The following DGKB variants were observed in gnomAD, a reference collection of about 807,000 sequenced individuals.
DGKB encodes the protein 90 kDa diacylglycerol kinase.
In DGKB, 67 loss-of-function variants were observed where a neutral mutation model predicts 114.3. The observed-to-expected ratio is 0.59, with a 90% CI of 0.48 to 0.72. DGKB has a LOEUF of 0.72. DGKB is among the 30% of genes least tolerant of loss of function. The pLI, the probability that DGKB is intolerant of heterozygous loss-of-function variation, is 0.00. For synonymous variants in DGKB, 398 were observed against 323.1 expected, an observed-to-expected ratio of 1.23 and a Z score of -2.49; for missense variants, 907 against 975.2, an observed-to-expected ratio of 0.93 and a Z score of 0.93.
intron 1 of DGKB, among the ~76,000 whole-genome samples, chr7:14,942,178 C>G (rs1260754089): frequency 1.3e-5 from 2 of 151,736 alleles, no homozygotes; most frequent in Non-Finnish European, 2.9e-5. Flanking sequence ...CTTCCTCATT[C>G]CGGATCCTGA....
chr7:14,897,906 C>T lies in DGKB; in HGVS notation c.-188+4686G>A, dbSNP rs1363395493. On this transcript the variant is annotated intron_variant, in intron 1 of 25. Coordinates refer to ENST00000402815, the MANE Select transcript of DGKB (RefSeq NM_001350709.2). ...GCGGATAGAATTAGAGCCTGTAATACAGTTCATTAAAAGAAGTGTTTATTA... is the reference window on the plus strand; with the variant it reads ...GCGGATAGAATTAGAGCCTGTAATATAGTTCATTAAAAGAAGTGTTTATTA... Among the ~76,000 whole-genome samples the T allele has an allele frequency of 3.9e-5, 6 of 151,910 alleles. No homozygotes were observed. In the East Asian group the frequency reaches 9.6e-4, roughly 24 times the overall value.
chr7:14,390,253 A>C (rs1821113639), intron 21 of DGKB, among the ~76,000 whole-genome samples: 3 of 152,232 alleles, frequency 2.0e-5, no homozygotes, highest in Admixed American at 2.0e-4. Context: ...AAAAGCTATC[A>C]GAACTTTCCT....
rs1227885671 is a variant in DGKB, at chr7:14,409,751, T to C, written c.1836-64360A>G. Among the ~76,000 whole-genome samples, 4 of 151,462 alleles carry C rather than the reference T, an allele frequency of 2.6e-5. 2 individuals carry two copies. Among genetic ancestry groups the C allele is most frequent in the African/African-American group, 9.7e-5 (4 of 41,132 alleles). ...AAAAAAAAAAAAAAAAGTTGAATTGTTTGATATGTACCGTAGATTGAAGTC... is the reference window on the plus strand; with the variant it reads ...AAAAAAAAAAAAAAAAGTTGAATTGCTTGATATGTACCGTAGATTGAAGTC... On this transcript the variant is annotated intron_variant, in intron 21 of 25. Transcript: ENST00000402815.
chr7:14,457,878 A>G (rs1832509744), intron 21 of DGKB, among the ~76,000 whole-genome samples: 1 of 152,216 alleles, frequency 6.6e-6, no homozygotes, highest in Admixed American at 6.5e-5. Context: ...GAGAAGGACT[A>G]CTGGTGTAAA....
chr7:14,813,519 A>T (rs1406472869), intron 2 of DGKB, among the ~76,000 whole-genome samples: 1 of 151,948 alleles, frequency 6.6e-6, no homozygotes, highest in African/African-American at 2.4e-5. Context: ...CCCAGAGAAC[A>T]TTTCTCTCCT....
intron 2 of DGKB, among the ~76,000 whole-genome samples, chr7:14,761,031 GATATTCAGATGAAT>G (rs1835612306): frequency 6.6e-6 from 1 of 152,134 alleles, no homozygotes; most frequent in African/African-American, 2.4e-5. Flanking sequence ...TGCTCTAGTT[GATATTCAGATGAAT>G]CACTATCAAT....
chr7:14,265,374 C>T (rs1344295332), intron 23 of DGKB, among the ~76,000 whole-genome samples: 1 of 122,194 alleles, frequency 8.2e-6, no homozygotes. Flanking sequence ...CCCATCTTAA[C>T]ATTAACTAGC....
chr7:14,408,999 A>G (rs1274568026), intron 21 of DGKB, among the ~76,000 whole-genome samples: 1 of 152,202 alleles, frequency 6.6e-6, no homozygotes, highest in Non-Finnish European at 1.5e-5. Context: ...GTGAAAATGT[A>G]TTGAAACATA....
chr7:14,378,619 C>A (rs901272022), intron 21 of DGKB, among the ~76,000 whole-genome samples: 1 of 152,230 alleles, frequency 6.6e-6, no homozygotes, highest in East Asian at 1.9e-4. Flanking sequence ...TGATCCAACA[C>A]CTCTCCTAGC....
chr7:14,813,441 G>C (rs752573456), intron 2 of DGKB, among the ~76,000 whole-genome samples: 1 of 152,122 alleles, frequency 6.6e-6, no homozygotes, highest in African/African-American at 2.4e-5. Context: ...TCAGGCTAGC[G>C]GAGTGTGCCT....
At chr7:14,498,891 A>G (rs1785700099) in intron 20 of DGKB, among the ~76,000 whole-genome samples, 1 of 151,748 alleles carries the variant, frequency 6.6e-6, no homozygotes, top group African/African-American at 2.4e-5. Flanking sequence ...AAGAGAGAGG[A>G]ATCACTTGGA....
At position 14,336,687 on chromosome 7, in the gene DGKB, T is replaced by G. The variant is rs1459626116; in HGVS notation, c.2122+1828A>C. The stretch of plus-strand genomic sequence containing the variant: ...CCTATGACAATATTTGAGTCTGGTT[T>G]GTTTGTAGTTTCTTCCAAATGTGTG... On this transcript the variant is annotated intron_variant, in intron 23 of 25. Transcript: ENST00000402815. 2.6e-5 allele frequency among the ~76,000 whole-genome samples: 4 copies of G among 152,138 alleles called. No individual in the cohort carries two copies. The East Asian group carries it at 5.8e-4, about 22-fold the overall frequency.
chr7:14,635,629 T>G (rs1398750914), intron 13 of DGKB, among the ~76,000 whole-genome samples: 1 of 151,632 alleles, frequency 6.6e-6, no homozygotes, highest in Non-Finnish European at 1.5e-5. Context: ...TTCAGATTAT[T>G]CTTCAGAACT....
intron 21 of DGKB, among the ~76,000 whole-genome samples, chr7:14,403,398 C>T (rs1823440908): frequency 6.6e-6 from 1 of 151,920 alleles, no homozygotes. Context: ...GCACAGTATG[C>T]TTTCCCTAGC....
intron 12 of DGKB, among the ~76,000 whole-genome samples, chr7:14,676,823 A>C (rs1286769732): frequency 1.3e-5 from 2 of 152,046 alleles, no homozygotes; most frequent in South Asian, 4.1e-4. Context: ...CTTTAGTAAA[A>C]TAACCAATAG....
At chr7:14,816,949 A>T (rs968372691) in intron 2 of DGKB, among the ~76,000 whole-genome samples, 1 of 152,210 alleles carries the variant, frequency 6.6e-6, no homozygotes, top group Non-Finnish European at 1.5e-5. Context: ...TTATTAACAC[A>T]GTTTTCTGTA....
intron 13 of DGKB, among the ~76,000 whole-genome samples, chr7:14,671,365 T>G (rs908936932): frequency 6.6e-6 from 1 of 151,962 alleles, no homozygotes; most frequent in Non-Finnish European, 1.5e-5. Flanking sequence ...CGCTTCAGAG[T>G]AGATAGTACC....
chr7:14,213,809 C>G (rs1028983877), intron 23 of DGKB, among the ~76,000 whole-genome samples: 2 of 152,152 alleles, frequency 1.3e-5, no homozygotes, highest in Non-Finnish European at 2.9e-5. Flanking sequence ...ACAGTTTACC[C>G]TCTCATCATA....
chr7:14,305,761 C>T (rs535654214), intron 23 of DGKB, among the ~76,000 whole-genome samples: 1 of 152,212 alleles, frequency 6.6e-6, no homozygotes, highest in South Asian at 2.1e-4. Context: ...CCTATATTCT[C>T]TTTAGCTTTC....
Sources: allele counts gnomAD v4.1 joint callset (sites outside exome capture counted in the v4.1 genomes callset), GRCh38; gene constraint gnomAD v4.1.1; transcripts MANE v1.5; gene names NCBI Gene and HGNC (gene_info 2026-07-23, HGNC 2026-07-21).